USP24: variants seen among roughly 807,000 people sequenced by gnomAD.
USP24 encodes the protein ubiquitin carboxyl-terminal hydrolase 24.
A neutral mutation model predicts 361.6 loss-of-function variants in USP24; 97 were observed. That is an observed-to-expected ratio of 0.27 (90% CI 0.23 to 0.32). USP24 has a LOEUF of 0.32. Ranked by LOEUF, USP24 falls within the 10% of genes least tolerant of loss-of-function variation. The probability of loss-of-function intolerance (pLI) is 1.00; values close to 1 mark genes in which losing one functional copy is unlikely to be tolerated. For missense variants in USP24, 2,353 were observed against 3,165.6 expected, an observed-to-expected ratio of 0.74 and a Z score of 6.16; for synonymous variants, 1,098 against 1,124.6, an observed-to-expected ratio of 0.98 and a Z score of 0.47.
intron 66 of USP24, 105 bp from the exon 67 acceptor site, chr1:55,072,029 G>A (rs1485521733): frequency 9.7e-7 from 1 of 1,027,786 alleles, no homozygotes; most frequent in African/African-American, 1.6e-5. Context: ...GGGACCGGAG[G>A]CCTGAGAGTG....
intron 67 of USP24, chr1:55,071,587 A>G (rs1413526610): frequency 7.8e-7 from 1 of 1,280,528 alleles, no homozygotes. Flanking sequence ...GGCCAGCCAC[A>G]AACACCTCGA....
At chr1:55,075,665 AC>A (rs60526291) in intron 62 of USP24, 142 bp from the exon 63 acceptor site, 379,386 of 592,850 alleles carry the variant, frequency 0.64, 110,392 homozygotes, top group East Asian at 0.74. Flanking sequence ...AACAACAACA[AC>A]ACCACCACCA....
At position 55,079,774 on chromosome 1, in the gene USP24, TCA is replaced by T. The variant is rs1187748824; in HGVS notation, c.7079-117_7079-116del. The T allele has an allele frequency of 1.8e-5, 24 of 1,356,188 alleles. No homozygotes were observed. The East Asian group carries it at 3.5e-4, about 20-fold the overall frequency. 84.0% of individuals were successfully genotyped at this position (1,356,188 alleles called of 1,614,324 possible). ...AGACTCGCACACACACTGAGTACTC[TCA>T]CAGAGTACTCACACACTGAGTACTC... On this transcript the variant is annotated intron_variant, in intron 59 of 67. Coordinates refer to ENST00000294383, the MANE Select transcript of USP24 (RefSeq NM_015306.3).
chr1:55,134,547 G>GCT, intron 28 of USP24, 134 bp from the exon 29 acceptor site: 1 of 731,784 alleles, frequency 1.4e-6, no homozygotes, highest in South Asian at 1.7e-5. Flanking sequence ...GAAGCACAGT[G>GCT]CTCGTCTGTA....
intron 17 of USP24, 144 bp from the exon 18 acceptor site, chr1:55,147,942 A>G: frequency 1.2e-6 from 1 of 809,112 alleles, no homozygotes; most frequent in Non-Finnish European, 1.9e-6. Context: ...CCTACACAAA[A>G]GTAAATAAAA....
chr1:55,193,751 A>C (rs998317321), intron 1 of USP24, among the ~76,000 whole-genome samples: 5 of 152,160 alleles, frequency 3.3e-5, no homozygotes, highest in African/African-American at 7.2e-5. Context: ...CATATATTAT[A>C]ATTTAATTAT....
At chr1:55,101,046 C>T (rs914939051) in intron 43 of USP24, 82 bp from the exon 44 acceptor site, 6 of 1,464,724 alleles carry the variant, frequency 4.1e-6, no homozygotes, top group Non-Finnish European at 5.5e-6. Flanking sequence ...TGTTAGTACC[C>T]ACATTGCTTT....
At chr1:55,201,196 G>C (rs1375833784) in intron 1 of USP24, among the ~76,000 whole-genome samples, 4 of 152,262 alleles carry the variant, frequency 2.6e-5, no homozygotes, top group African/African-American at 9.6e-5. Context: ...GTTCCAAAAT[G>C]GTGATGCAAA....
chr1:55,100,564 T>C (rs528785404), intron 44 of USP24, among the ~76,000 whole-genome samples: 2 of 151,910 alleles, frequency 1.3e-5, no homozygotes, highest in African/African-American at 4.8e-5. Context: ...AGGGGAATGA[T>C]ATGAACAAAT....
rs1413479492 is a variant in USP24 at position 55,132,604 on chromosome 1, T to G, written c.3478A>C (p.Ser1160Arg). The change falls in exon 31 of 68, where the codon AGT becomes CGT. Residue 1160 changes from serine (S) to arginine (R), a missense_variant. Physicochemically the swap from Ser to Arg is moderately radical, Grantham distance 110. This residue lies in a region of USP24 where 949 missense variants were observed against 1,280.5 expected (regional missense o/e 0.74). Transcript: ENST00000294383. The part of the protein sequence containing the change: ...HQPSASSILE[S>R]LFRSFAPGMS... ...CCCGGGGCAAAAGATCGAAACAGAC[T>G]TTCTAAAATTGAACTGGCACTTGGC... The G allele has an allele frequency of 6.2e-7, 1 of 1,613,742 alleles. No homozygotes were observed. Among genetic ancestry groups the G allele is most frequent in the African/African-American group, 1.3e-5 (1 of 75,038 alleles).
At chr1:55,191,344 T>C (rs1011590827) in intron 1 of USP24, among the ~76,000 whole-genome samples, 31 of 152,138 alleles carry the variant, frequency 2.0e-4, no homozygotes, top group Non-Finnish European at 4.3e-4. Context: ...CAAATGAAAA[T>C]ATAAACAAGT....
intron 1 of USP24, among the ~76,000 whole-genome samples, chr1:55,197,728 C>T (rs1353696599): frequency 6.6e-6 from 1 of 152,152 alleles, no homozygotes; most frequent in African/African-American, 2.4e-5. Flanking sequence ...TGTACAACAT[C>T]CCCAACAATA....
intron 1 of USP24, among the ~76,000 whole-genome samples, chr1:55,183,350 G>T (rs752832833): frequency 1.3e-5 from 2 of 152,038 alleles, no homozygotes; most frequent in Admixed American, 6.5e-5. Flanking sequence ...ATACACACAT[G>T]CACATTATAT....
At chr1:55,094,486 G>A (rs1645450484) in intron 51 of USP24, among the ~76,000 whole-genome samples, 1 of 152,082 alleles carries the variant, frequency 6.6e-6, no homozygotes, top group African/African-American at 2.4e-5. Context: ...TCAAAGTCGT[G>A]TAAGAACAAA....
chr1:55,177,316 A>C (rs900011218), intron 2 of USP24, among the ~76,000 whole-genome samples: 1 of 152,104 alleles, frequency 6.6e-6, no homozygotes, highest in Non-Finnish European at 1.5e-5. Context: ...TCTTTATTAA[A>C]CTCAATAATA....
chr1:55,087,800 C>T (rs932372852), intron 55 of USP24, among the ~76,000 whole-genome samples: 9 of 152,196 alleles, frequency 5.9e-5, no homozygotes, highest in Admixed American at 3.9e-4. Flanking sequence ...AGGCAACATC[C>T]GTTAGACTGG....
chr1:55,171,505 TTC>T, intron 5 of USP24, 49 bp downstream of exon 5: 1 of 1,546,172 alleles, frequency 6.5e-7, no homozygotes, highest in Non-Finnish European at 8.7e-7. Flanking sequence ...ACAGAAAATC[TTC>T]TTTTTCAATA....
chr1:55,172,119 T>C (rs549891054), intron 4 of USP24, among the ~76,000 whole-genome samples: 1 of 152,232 alleles, frequency 6.6e-6, no homozygotes, highest in Non-Finnish European at 1.5e-5. Context: ...ATTTAAGACA[T>C]GAATAATCGG....
intron 34 of USP24, 148 bp from the exon 35 acceptor site, chr1:55,124,776 C>A (rs769008823): frequency 3.4e-5 from 27 of 794,266 alleles, no homozygotes; most frequent in Non-Finnish European, 5.3e-5. Flanking sequence ...TGCCATCCTG[C>A]TCAAGGGCTT....
Sources: allele counts gnomAD v4.1 joint callset (sites outside exome capture counted in the v4.1 genomes callset), GRCh38; gene constraint gnomAD v4.1.1; regional missense constraint gnomAD v4.1.1; transcripts MANE v1.5; gene names NCBI Gene and HGNC (gene_info 2026-07-23, HGNC 2026-07-21).